Variants in AP3B1 observed in about 807,000 individuals in gnomAD.
AP3B1 encodes the protein adaptor related protein complex 3 subunit beta 1.
Under a neutral mutation model 132.5 loss-of-function variants are expected in AP3B1, and 61 were observed. The observed-to-expected ratio is 0.46, with a 90% CI of 0.37 to 0.57. AP3B1 has a LOEUF of 0.57. Ranked by LOEUF, AP3B1 falls within the 20% of genes least tolerant of loss-of-function variation. The pLI, the probability that AP3B1 is intolerant of heterozygous loss-of-function variation, is 0.00. For missense variants in AP3B1, 1,120 were observed against 1,289.4 expected, an observed-to-expected ratio of 0.87 and a Z score of 2.01; for synonymous variants, 388 against 438.3, an observed-to-expected ratio of 0.89 and a Z score of 1.43.
chr5:78,143,942 T>C (rs981104059), intron 14 of AP3B1, among the ~76,000 whole-genome samples: 3 of 151,970 alleles, frequency 2.0e-5, no homozygotes, highest in Admixed American at 1.3e-4. Flanking sequence ...GAGGCAGAGG[T>C]TGCAGTGAGC....
chr5:78,225,400 C>A (rs143214690), intron 6 of AP3B1, 142 bp downstream of exon 6: 85 of 460,626 alleles, frequency 1.8e-4, no homozygotes, highest in African/African-American at 1.4e-3. Flanking sequence ...AATTTTTGTT[C>A]TTTAAAAATA....
chr5:78,199,752 CTT>C (rs747880778), intron 7 of AP3B1, among the ~76,000 whole-genome samples: 2 of 151,752 alleles, frequency 1.3e-5, no homozygotes, highest in Non-Finnish European at 2.9e-5. Context: ...ATGAAGAACT[CTT>C]AATACATAAA....
intron 23 of AP3B1, among the ~76,000 whole-genome samples, chr5:78,036,491 A>C (rs1747814964): frequency 6.6e-6 from 1 of 152,188 alleles, no homozygotes; most frequent in Non-Finnish European, 1.5e-5. Flanking sequence ...ACAGTTGTAC[A>C]GTAACTGGTA....
In AP3B1 at chr5:78,294,604, G is replaced by A. The variant is rs1412760067; in HGVS notation, c.-25C>T. 1 of 1,613,718 alleles carries A rather than the reference G, an allele frequency of 6.2e-7. No individual in the cohort carries two copies. Among genetic ancestry groups the A allele is most frequent in the South Asian group, 1.1e-5 (1 of 91,090 alleles). On this transcript the variant is annotated 5_prime_UTR_variant, in exon 1 of 27. Transcript: ENST00000255194. ...TTGCCGCGGTGCTGGCGGGTGCGGG[G>A]TTGGTCCTGCCGGGGGTTCTCTCCA...
intron 18 of AP3B1, among the ~76,000 whole-genome samples, chr5:78,114,767 C>G (rs979097005): frequency 3.3e-5 from 5 of 152,174 alleles, no homozygotes; most frequent in African/African-American, 1.2e-4. Flanking sequence ...ATACCAACAT[C>G]AGGAAGGTCC....
In AP3B1 at chr5:78,006,818, A is replaced by G. The variant is rs145368413; in HGVS notation, c.3132-3763T>C. Among the ~76,000 whole-genome samples the G allele has an allele frequency of 6.0e-4, 91 of 152,320 alleles. 1 individual carries two copies. The highest frequency in any genetic ancestry group is 9.4e-4 in the Non-Finnish European group (64 of 68,030). On this transcript the variant is annotated intron_variant, in intron 26 of 26. Transcript: ENST00000255194. ...ACTGAGAAGGTAAAACTGTTTGGCT[A>G]TATCTGTATTTCATCTTATTAAATG...
Position 78,251,306 on chromosome 5 carries a change from C to G in AP3B1, c.205-10370G>C, listed in dbSNP as rs536552535. Among the ~76,000 whole-genome samples, 3 of 152,172 alleles carry G rather than the reference C, an allele frequency of 2.0e-5. No homozygotes were observed. The South Asian group carries it at 6.2e-4, about 32-fold the overall frequency. On this transcript the variant is annotated intron_variant, in intron 2 of 26. Transcript: ENST00000255194. ...TAGAAAGCTCCACCAATCGTCCCCCCGAGGACAAAAAAGTTAACAACTATC... is the reference window on the plus strand; with the variant it reads ...TAGAAAGCTCCACCAATCGTCCCCCGGAGGACAAAAAAGTTAACAACTATC...
chr5:78,120,726 T>C (rs1752140749), intron 17 of AP3B1, among the ~76,000 whole-genome samples: 1 of 151,936 alleles, frequency 6.6e-6, no homozygotes, highest in Non-Finnish European at 1.5e-5. Flanking sequence ...AGACTTAGAC[T>C]CCCACACATT....
chr5:78,168,015 A>G (rs1331783113), intron 11 of AP3B1, among the ~76,000 whole-genome samples: 4 of 137,342 alleles, frequency 2.9e-5, no homozygotes, highest in South Asian at 2.3e-4. Context: ...AACCTACTGA[A>G]AAAAAAAAAA....
intron 2 of AP3B1, among the ~76,000 whole-genome samples, chr5:78,264,173 A>T (rs545302370): frequency 9.2e-5 from 14 of 152,356 alleles, no homozygotes; most frequent in African/African-American, 3.4e-4. Context: ...GTGATGCATG[A>T]CTGTATTGAA....
At chr5:78,081,300 ATTTTTTT>A (rs560113962) in intron 22 of AP3B1, among the ~76,000 whole-genome samples, 1 of 100,862 alleles carries the variant, frequency 9.9e-6, no homozygotes, top group Non-Finnish European at 1.9e-5. Context: ...GCATTACTTC[ATTTTTTT>A]TTTTTTTTTT....
intron 18 of AP3B1, among the ~76,000 whole-genome samples, chr5:78,114,299 T>C (rs1055961219): frequency 6.6e-6 from 1 of 152,144 alleles, no homozygotes; most frequent in South Asian, 2.1e-4. Flanking sequence ...TGAATTCTTC[T>C]GCTTGTAATG....
intron 22 of AP3B1, chr5:78,043,423 C>T: frequency 4.7e-6 from 1 of 213,724 alleles, no homozygotes; most frequent in Middle Eastern, 1.1e-3. Flanking sequence ...AGCCATTGTG[C>T]CTGGCCTATC....
intron 22 of AP3B1, among the ~76,000 whole-genome samples, chr5:78,070,175 G>A (rs1749473424): frequency 6.6e-6 from 1 of 152,136 alleles, no homozygotes; most frequent in Non-Finnish European, 1.5e-5. Context: ...GGGAGGCTGA[G>A]GCAGGCGGAT....
chr5:78,228,208 C>T lies in AP3B1; in HGVS notation c.311G>A (p.Arg104Gln). 3 of 1,611,164 alleles carry T rather than the reference C, an allele frequency of 1.9e-6. No individual in the cohort carries two copies. Among genetic ancestry groups the T allele is most frequent in the Non-Finnish European group, 2.5e-6 (3 of 1,178,904 alleles). The change falls in exon 4 of 27, where the codon CGA becomes CAA. Residue 104 changes from arginine to glutamine, a missense_variant. Arg to Gln is a conservative substitution (Grantham distance 43). This residue lies in a region of AP3B1 where 129 missense variants were observed against 212.4 expected (regional missense o/e 0.61). Transcript: ENST00000255194. ...IKKLVYVYLV[R>Q]YAEEQQDLAL... ...AAGATCCTGCTGTTCTTCAGCATAT[C>T]GAACCAGGTAAACATATACCAACTT...
chr5:78,229,952 A>G (rs372682152), intron 3 of AP3B1, among the ~76,000 whole-genome samples: 1 of 152,232 alleles, frequency 6.6e-6, no homozygotes. Flanking sequence ...CTCGTGAAAC[A>G]TAACAGCTTT....
intron 22 of AP3B1, among the ~76,000 whole-genome samples, chr5:78,052,350 G>C (rs1748619119): frequency 6.6e-6 from 1 of 152,016 alleles, no homozygotes; most frequent in African/African-American, 2.4e-5. Context: ...TATTAAGCAG[G>C]CACCAGCAAA....
intron 13 of AP3B1, 83 bp downstream of exon 13, chr5:78,162,736 T>G (rs753181445): frequency 3.3e-5 from 50 of 1,499,580 alleles, no homozygotes; most frequent in Non-Finnish European, 4.4e-5. Context: ...AAATGCAAAG[T>G]TAGAAAAGGT....
chr5:78,261,296 A>G lies in AP3B1; in HGVS notation c.204+6224T>C, dbSNP rs77392436. Among the ~76,000 whole-genome samples the G allele has an allele frequency of 5.2e-3, 787 of 152,322 alleles. 8 individuals are homozygous for G. Among genetic ancestry groups the G allele is most frequent in the African/African-American group, 0.018 (747 of 41,562 alleles). On this transcript the variant is annotated intron_variant, in intron 2 of 26. Coordinates refer to ENST00000255194, the MANE Select transcript of AP3B1 (RefSeq NM_003664.5). ...CAATTTTGTTTTCTTGATAATAACC[A>G]TCCTAATGGTGTAAAGTGATCTTAC...
Sources: allele counts gnomAD v4.1 joint callset (sites outside exome capture counted in the v4.1 genomes callset), GRCh38; gene constraint gnomAD v4.1.1; regional missense constraint gnomAD v4.1.1; transcripts MANE v1.5; gene names NCBI Gene and HGNC (gene_info 2026-07-23, HGNC 2026-07-21).